The following TMEM63A variants were observed in gnomAD, a reference collection of about 807,000 sequenced individuals.
TMEM63A encodes mechanosensitive cation channel TMEM63A.
In TMEM63A, 76 loss-of-function variants were observed where a neutral mutation model predicts 100.6. That is an observed-to-expected ratio of 0.76 (90% CI 0.63 to 0.91). The LOEUF (loss-of-function observed/expected upper bound fraction) is 0.91. TMEM63A is among the 40% of genes least tolerant of loss of function. TMEM63A has a pLI of 0.00. For missense variants in TMEM63A, 876 were observed against 1,008.8 expected (o/e 0.87, Z 1.78); for synonymous variants, 401 against 401.1 (o/e 1.00, Z 0.00).
rs936218678 is a variant in TMEM63A at position 225,869,145 on chromosome 1, G to A, written c.372-1115C>T. 7.2e-5 allele frequency among the ~76,000 whole-genome samples: 11 copies of A among 152,332 alleles called. No homozygotes were observed. The East Asian group carries it at 1.7e-3, about 24-fold the overall frequency. ...TAATCCAGCGCAGCGGCCTCCACCT[G>A]AGGGCAGGTCATGGAGCTTACCCGC... On this transcript the variant is annotated intron_variant, in intron 6 of 24. Coordinates refer to ENST00000366835, the MANE Select transcript of TMEM63A (RefSeq NM_014698.3).
chr1:225,844,540 C>T (rs777000310), downstream of TMEM63A: 25 of 1,614,054 alleles, frequency 1.5e-5, no homozygotes, highest in Non-Finnish European at 2.1e-5. Flanking sequence ...TCATGCTCTA[C>T]TGGACAACAG....
chr1:225,863,619 T>C (rs1576093864), intron 10 of TMEM63A, among the ~76,000 whole-genome samples: 1 of 152,012 alleles, frequency 6.6e-6, no homozygotes, highest in African/African-American at 2.4e-5. Flanking sequence ...TCTACACACA[T>C]ATTAACAACC....
At position 225,862,633 on chromosome 1, in the gene TMEM63A, A is replaced by AC; in HGVS notation, c.828-56dup. On this transcript the variant is annotated intron_variant, in intron 11 of 24. Coordinates refer to ENST00000366835, the MANE Select transcript of TMEM63A (RefSeq NM_014698.3). The surrounding 1 kb of genome is among the most constrained non-coding windows in gnomAD (Gnocchi z 5.1). ...TCAGATTTAGAATCCTGTGGCAGGG[A>AC]CCCCCATACCCACAGTTCAACCATC... 7 of 1,600,222 alleles carry AC rather than the reference A, an allele frequency of 4.4e-6. No individual in the cohort carries two copies. In the South Asian group the frequency reaches 7.8e-5, roughly 18 times the overall value.
intron 14 of TMEM63A, chr1:225,859,649 G>GTTTTTTTT: frequency 3.7e-6 from 1 of 268,344 alleles, no homozygotes; most frequent in South Asian, 3.9e-5. Context: ...TTCTTTTTCT[G>GTTTTTTTT]TTTTTTTTTT....
chr1:225,841,638 G>T (rs1273725720), downstream of TMEM63A, among the ~76,000 whole-genome samples: 11 of 125,040 alleles, frequency 8.8e-5, no homozygotes, highest in African/African-American at 3.5e-4. Context: ...GTCTTGCTCT[G>T]TTGCCCAGGC....
rs1669438440 is a variant in TMEM63A, at chr1:225,853,149, G to A, written c.1798-380C>T. Among the ~76,000 whole-genome samples the A allele has an allele frequency of 6.6e-6, 1 of 152,138 alleles. No homozygotes were observed. Among genetic ancestry groups the A allele is most frequent in the South Asian group, 2.1e-4 (1 of 4,824 alleles). On this transcript the variant is annotated intron_variant, in intron 19 of 24. Transcript: ENST00000366835. This position sits in a 1 kb window ranked among gnomAD's most constrained non-coding sequence, Gnocchi z 4.0. ...TACTAGCAGTGCCCAGCTCATAAGG[G>A]GGCTGAGAATGAAATGAAGGAATGC...
In TMEM63A at chr1:225,860,840, T is replaced by TC. The variant is rs1245348487; in HGVS notation, c.1223+19dup. ...GGAACCCAGGCCTCTCTCCCACCTC[T>TC]CCTTGGTCTAGGAGCTTACCAGCAG... On this transcript the variant is annotated intron_variant, in intron 14 of 24. Transcript: ENST00000366835. 4 of 1,585,158 alleles carry TC rather than the reference T, an allele frequency of 2.5e-6. No homozygotes were observed. Among genetic ancestry groups the TC allele is most frequent in the Non-Finnish European group, 3.4e-6 (4 of 1,164,910 alleles).
chr1:225,881,519 A>G (rs1014940793), intron 1 of TMEM63A, among the ~76,000 whole-genome samples: 5 of 152,042 alleles, frequency 3.3e-5, no homozygotes, highest in African/African-American at 1.2e-4. Flanking sequence ...TTGCCCCCAC[A>G]CTAAACAAAG....
rs1436172174 is a variant in TMEM63A at position 225,876,690 on chromosome 1, A to G, written c.186+705T>C. 3.3e-5 allele frequency among the ~76,000 whole-genome samples: 5 copies of G among 150,364 alleles called. No homozygotes were observed. In the East Asian group the frequency reaches 9.8e-4, roughly 29 times the overall value. On this transcript the variant is annotated intron_variant, in intron 3 of 24. Coordinates refer to ENST00000366835, the MANE Select transcript of TMEM63A (RefSeq NM_014698.3). Reference sequence around the variant, plus strand: ...TGAGACAGCGTCTCGCTCTTGTTGCACAGGCTGGAGTGCAGTGGCGTGATC... The same window carrying G: ...TGAGACAGCGTCTCGCTCTTGTTGCGCAGGCTGGAGTGCAGTGGCGTGATC...
At chr1:225,841,141 C>T (rs1236641459), downstream of TMEM63A, 4 of 152,222 alleles carry the variant, frequency 2.6e-5, no homozygotes, top group African/African-American at 7.2e-5. Flanking sequence ...CCAGGTACCA[C>T]GCTCTGACTT....
At chr1:225,871,632 G>A (rs1002523051) in intron 5 of TMEM63A, 4 of 292,280 alleles carry the variant, frequency 1.4e-5, no homozygotes, top group African/African-American at 6.5e-5. Flanking sequence ...TGCATCAGGC[G>A]CTGGGAAACA....
chr1:225,860,904 G>A lies in TMEM63A; in HGVS notation c.1179C>T (p.Ser393=), dbSNP rs377441681. 61 of 1,612,148 alleles carry A rather than the reference G, an allele frequency of 3.8e-5. No homozygotes were observed. The highest frequency in any genetic ancestry group is 8.5e-7 in the Non-Finnish European group (1 of 1,179,184). The change falls in exon 14 of 25, where the codon TCC becomes TCT. Residue 393 remains serine (S), a synonymous_variant. Transcript: ENST00000366835. ...PSSHSRELYT[S]KWTVTFAADP... ...CAGCAGCAAAGGTGACTGTCCACTT[G>A]GAGGTATAGAGCTCCCTGCTATGGG... is the stretch of plus-strand genomic sequence containing the variant.
intron 17 of TMEM63A, among the ~76,000 whole-genome samples, chr1:225,856,261 C>T (rs1474576116): frequency 1.3e-5 from 2 of 151,378 alleles, no homozygotes. Flanking sequence ...CTGCCCACCT[C>T]GGCCTCCCAA....
At chr1:225,854,938 C>T (rs1306620577) in intron 18 of TMEM63A, among the ~76,000 whole-genome samples, 3 of 152,210 alleles carry the variant, frequency 2.0e-5, no homozygotes, top group East Asian at 3.9e-4. Context: ...GAGGAAGGCT[C>T]GGATAAATGT....
At position 225,847,157 on chromosome 1, in the gene TMEM63A, C is replaced by T. The variant is rs45616731; in HGVS notation, c.2307G>A (p.Pro769=). Residue 769 remains proline, a synonymous_variant, in exon 24 of 25, where the codon CCG becomes CCA. Coordinates refer to ENST00000366835, the MANE Select transcript of TMEM63A (RefSeq NM_014698.3). ...GLASERTALS[P]QQQQQQTYGA... is the part of the protein sequence containing the mutation. ...CATAGGTCTGCTGCTGCTGCTGCTG[C>T]GGAGACAGTGCTGTCCTCTCCGAGG... The T allele has an allele frequency of 8.7e-5, 141 of 1,613,470 alleles. 2 individuals are homozygous for T. In the African/African-American group the frequency reaches 1.5e-3, roughly 17 times the overall value.
intron 23 of TMEM63A, 162 bp downstream of exon 23, chr1:225,848,329 AG>A: frequency 1.5e-6 from 1 of 674,518 alleles, no homozygotes; most frequent in Non-Finnish European, 2.5e-6. Flanking sequence ...TAAAATACCC[AG>A]GGGGACCAGG....
In TMEM63A at chr1:225,847,207, C is replaced by G; in HGVS notation, c.2257G>C (p.Val753Leu). ...AHMPPPFTPY[V>L]PRILNGLASE... is the part of the protein sequence containing the mutation. Reference sequence around the variant, plus strand: ...GCCAAGCCGTTCAGAATCCGAGGCACGTAGGGCTGTCAGCAAATGGATTTG... The same window carrying G: ...GCCAAGCCGTTCAGAATCCGAGGCAGGTAGGGCTGTCAGCAAATGGATTTG... The change falls in exon 24 of 25, where the codon GTG (valine) becomes CTG (leucine). Residue 753 changes from valine (V) to leucine (L), a missense_variant. By Grantham distance (32) the Val-to-Leu change is conservative. Coordinates refer to ENST00000366835, the MANE Select transcript of TMEM63A (RefSeq NM_014698.3). 2 of 1,612,890 alleles carry G rather than the reference C, an allele frequency of 1.2e-6. No homozygotes were observed. The highest frequency in any genetic ancestry group is 1.1e-5 in the South Asian group (1 of 91,062).
At chr1:225,870,352 G>GC (rs1670445569) in intron 6 of TMEM63A, among the ~76,000 whole-genome samples, 1 of 141,016 alleles carries the variant, frequency 7.1e-6, no homozygotes, top group Admixed American at 7.0e-5. Flanking sequence ...AACTCGGTCT[G>GC]AAAAAAAAAA....
At chr1:225,875,186 A>G (rs1670717951) in intron 3 of TMEM63A, among the ~76,000 whole-genome samples, 1 of 152,194 alleles carries the variant, frequency 6.6e-6, no homozygotes. Context: ...GCAGGCAGCA[A>G]GGCACCACGA....
Sources: gnomAD v4.1 joint callset for allele counts (sites outside exome capture counted in the v4.1 genomes callset) on GRCh38, gnomAD v4.1.1 for gene constraint, Gnocchi (gnomAD v3.1) non-coding constraint, MANE v1.5 for transcripts, NCBI Gene and HGNC (gene_info 2026-07-23, HGNC 2026-07-21) for gene names.